Variants in ABCC9 observed in about 807,000 individuals in gnomAD.
ABCC9 encodes ATP binding cassette subfamily C member 9.
ABCC9 carries 95 observed loss-of-function variants against 188.3 expected under a neutral mutation model. That is an observed-to-expected ratio of 0.50 (90% CI 0.43 to 0.60). ABCC9 has a LOEUF of 0.60. Ranked by LOEUF, ABCC9 falls within the 20% of genes least tolerant of loss-of-function variation. ABCC9 has a pLI of 0.00. For synonymous variants in ABCC9, 659 were observed against 652.7 expected (o/e 1.01, Z -0.15); for missense variants, 1,102 against 1,876.3 (o/e 0.59, Z 7.62).
intron 7 of ABCC9, among the ~76,000 whole-genome samples, chr12:21,914,900 CTT>C (rs377103461): frequency 7.4e-4 from 100 of 134,916 alleles, no homozygotes; most frequent in Admixed American, 7.5e-4. Flanking sequence ...GCTTTGTGTC[CTT>C]TTTTTTTTTT....
At chr12:21,837,934 T>A (rs1944186917) in intron 30 of ABCC9, 144 bp downstream of exon 30, 4 of 735,198 alleles carry the variant, frequency 5.4e-6, no homozygotes, top group South Asian at 1.6e-5. Flanking sequence ...TTACACCAAA[T>A]TTTTCTTATT....
chr12:21,805,395 G>A, intron 39 of ABCC9: 2 of 1,351,748 alleles, frequency 1.5e-6, no homozygotes, highest in East Asian at 2.3e-5. Flanking sequence ...TTATTAAGCA[G>A]TAAGCCTAAA....
In ABCC9 at chr12:21,807,318, A is replaced by G. The variant is rs780440555; in HGVS notation, c.4449+28T>C. ...TCATGCACATTTCTCCAATTCGTCA[A>G]TTTTAAAAGCTTAGATAATGCACTC... On this transcript the variant is annotated intron_variant, in intron 38 of 39. Coordinates refer to ENST00000261200, the MANE Select transcript of ABCC9 (RefSeq NM_020297.4). The G allele has an allele frequency of 2.6e-5, 42 of 1,613,578 alleles. 1 individual carries two copies. The South Asian group carries it at 3.8e-4, about 15-fold the overall frequency.
chr12:21,894,109 C>G lies in ABCC9; in HGVS notation c.1725G>C (p.Leu575=), dbSNP rs1307918885. Residue 575 remains leucine, a synonymous_variant, in exon 14 of 40, where the codon CTG becomes CTC. Coordinates refer to ENST00000261200, the MANE Select transcript of ABCC9 (RefSeq NM_020297.4). ...NLKPAEAFAS[L]SLFHILVTPL... is the part of the protein sequence containing the mutation. ...GTGTGACCAGGATATGGAAGAGAGA[C>G]AGTGAAGCAAAGGCCTCTGCAGGTT... The G allele has an allele frequency of 1.2e-6, 2 of 1,613,886 alleles. No homozygotes were observed. Among genetic ancestry groups the G allele is most frequent in the Non-Finnish European group, 1.7e-6 (2 of 1,180,000 alleles).
chr12:21,854,355 A>G (rs544037627), intron 22 of ABCC9, among the ~76,000 whole-genome samples: 2 of 152,344 alleles, frequency 1.3e-5, no homozygotes, highest in South Asian at 4.1e-4. Flanking sequence ...ATCCTTATGC[A>G]AAAGAAATAT....
chr12:21,836,797 G>T (rs949761932), intron 30 of ABCC9, among the ~76,000 whole-genome samples: 3 of 152,104 alleles, frequency 2.0e-5, no homozygotes, highest in African/African-American at 7.2e-5. Context: ...GGGATGAACT[G>T]ATAGGGCTTA....
At chr12:21,857,545 T>G (rs1386335419) in intron 22 of ABCC9, among the ~76,000 whole-genome samples, 4 of 152,100 alleles carry the variant, frequency 2.6e-5, no homozygotes, top group Non-Finnish European at 4.4e-5. Flanking sequence ...TTACCTTATA[T>G]GTCCAGCAGG....
intron 10 of ABCC9, 110 bp downstream of exon 10, chr12:21,910,047 A>G: frequency 1.9e-6 from 2 of 1,046,474 alleles, no homozygotes; most frequent in Non-Finnish European, 2.9e-6. Context: ...AAAGAGTGTA[A>G]TATTTGCACA....
At position 21,852,407 on chromosome 12, in the gene ABCC9, A is replaced by G. The variant is rs1226411014; in HGVS notation, c.2604T>C (p.Leu868=). The G allele has an allele frequency of 6.2e-7, 1 of 1,614,004 alleles. No individual in the cohort carries two copies. Among genetic ancestry groups the G allele is most frequent in the Non-Finnish European group, 8.5e-7 (1 of 1,179,982 alleles). ...FLQDDKRTLV[L]VTHKLQYLTH... is the part of the protein sequence containing the mutation. ...TCAGATACTGTAATTTGTGAGTCACAAGAACGAGTGTCCTTTTGTCATCTT... is the reference window on the plus strand; with the variant it reads ...TCAGATACTGTAATTTGTGAGTCACGAGAACGAGTGTCCTTTTGTCATCTT... The change falls in exon 23 of 40, where the codon CTT becomes CTC. Residue 868 remains leucine (L), a synonymous_variant. Transcript: ENST00000261200.
At chr12:21,938,797 A>G (rs1330459413) in intron 2 of ABCC9, among the ~76,000 whole-genome samples, 2 of 152,206 alleles carry the variant, frequency 1.3e-5, no homozygotes, top group South Asian at 2.1e-4. Flanking sequence ...TGTTTAATCA[A>G]TCCTGAAATC....
intron 31 of ABCC9, among the ~76,000 whole-genome samples, chr12:21,828,037 T>C (rs1197791960): frequency 2.6e-5 from 4 of 152,230 alleles, no homozygotes; most frequent in African/African-American, 9.6e-5. Context: ...AGAAAGCCTA[T>C]ATGTTAGTGA....
intron 2 of ABCC9, chr12:21,938,168 T>TTATA (rs1565503799): frequency 6.6e-6 from 1 of 152,174 alleles, no homozygotes; most frequent in Non-Finnish European, 1.5e-5. Flanking sequence ...TTATAAAGCA[T>TTATA]TATATGAATG....
intron 5 of ABCC9, among the ~76,000 whole-genome samples, chr12:21,920,110 T>C (rs949197429): frequency 6.6e-6 from 1 of 152,058 alleles, no homozygotes; most frequent in African/African-American, 2.4e-5. Flanking sequence ...AAAGGTCTGC[T>C]ATGAAAAACC....
At chr12:21,862,931 A>G in intron 20 of ABCC9, 22 bp downstream of exon 20, 2 of 1,532,354 alleles carry the variant, frequency 1.3e-6, no homozygotes, top group South Asian at 2.2e-5. Context: ...TTTGGTTCTA[A>G]ATTTTATATG....
At chr12:21,828,858 C>T in intron 31 of ABCC9, 100 bp downstream of exon 31, 2 of 937,578 alleles carry the variant, frequency 2.1e-6, no homozygotes, top group Non-Finnish European at 3.5e-6. Context: ...GAAGCTAGTG[C>T]CGAATCTCAG....
At position 21,886,625 on chromosome 12, in the gene ABCC9, T is replaced by C. The variant is rs535798459; in HGVS notation, c.1911+1201A>G. Among the ~76,000 whole-genome samples, 17 of 152,188 alleles carry C rather than the reference T, an allele frequency of 1.1e-4. No individual in the cohort carries two copies. The South Asian group carries it at 3.5e-3, about 32-fold the overall frequency. On this transcript the variant is annotated intron_variant, in intron 15 of 39. Coordinates refer to ENST00000261200, the MANE Select transcript of ABCC9 (RefSeq NM_020297.4). The stretch of plus-strand genomic sequence containing the variant: ...ATCTTTTAAAAATATAAACAAAAAT[T>C]ATATTACTCCCTACTTTGAAACCTT...
intron 16 of ABCC9, among the ~76,000 whole-genome samples, chr12:21,877,427 C>T (rs1051997686): frequency 2.6e-5 from 4 of 152,080 alleles, no homozygotes; most frequent in African/African-American, 7.2e-5. Context: ...TCAAAAAAAC[C>T]GTAAAATATG....
chr12:21,871,657 C>G (rs983483455), intron 18 of ABCC9, among the ~76,000 whole-genome samples: 6 of 152,274 alleles, frequency 3.9e-5, no homozygotes, highest in Middle Eastern at 6.8e-3. Flanking sequence ...GTGGGTTTCC[C>G]AACCTCAGCA....
intron 34 of ABCC9, 144 bp from the exon 35 acceptor site, chr12:21,814,866 G>C: frequency 1.4e-6 from 1 of 732,296 alleles, no homozygotes; most frequent in Non-Finnish European, 2.4e-6. Context: ...TTTTTTCTTA[G>C]ATCTACATTA....
Sources: allele counts gnomAD v4.1 joint callset (sites outside exome capture counted in the v4.1 genomes callset), GRCh38; gene constraint gnomAD v4.1.1; transcripts MANE v1.5; gene names NCBI Gene and HGNC (gene_info 2026-07-23, HGNC 2026-07-21).